The following PLCB4 variants were observed in gnomAD, a reference collection of about 807,000 sequenced individuals.
The protein encoded by PLCB4 is phospholipase C beta 4.
Under a neutral mutation model 178.8 loss-of-function variants are expected in PLCB4, and 77 were observed. The observed-to-expected ratio is 0.43, with a 90% confidence interval of 0.36 to 0.52. The LOEUF is 0.52. PLCB4 is among the 20% of genes least tolerant of loss of function. PLCB4 has a pLI of 0.00. For synonymous variants in PLCB4, 496 were observed against 490.8 expected (o/e 1.01, Z -0.14); for missense variants, 1,024 against 1,453.4 (o/e 0.70, Z 4.80).
At chr20:9,104,249 T>C (rs1244509375) in intron 2 of PLCB4, among the ~76,000 whole-genome samples, 5 of 152,160 alleles carry the variant, frequency 3.3e-5, no homozygotes, top group Non-Finnish European at 1.5e-5. Flanking sequence ...AATGGACTGC[T>C]TGGTCTTCCT....
intron 4 of PLCB4, among the ~76,000 whole-genome samples, chr20:9,325,185 C>T (rs972530961): frequency 6.6e-6 from 1 of 152,136 alleles, no homozygotes; most frequent in Non-Finnish European, 1.5e-5. Context: ...AAGCACGTCT[C>T]CTGTTTTTCT....
Position 9,226,539 on chromosome 20 carries a change from A to G in PLCB4, c.-16+9087A>G, listed in dbSNP as rs141242681. ...GTTGTCCCATCTGTAAAATGAGCACAGTATTACCTTTTTCATTGGTTTTGG... is the reference window on the plus strand; with the variant it reads ...GTTGTCCCATCTGTAAAATGAGCACGGTATTACCTTTTTCATTGGTTTTGG... On this transcript the variant is annotated intron_variant, in intron 3 of 39. Transcript: ENST00000378473. 2.7e-4 allele frequency among the ~76,000 whole-genome samples: 41 copies of G among 152,330 alleles called. 1 individual carries two copies. In the East Asian group the frequency reaches 7.3e-3, roughly 27 times the overall value.
In PLCB4 at chr20:9,384,279, T is replaced by A. The variant is rs955567839; in HGVS notation, c.932T>A (p.Leu311His). 1.2e-6 allele frequency: 2 copies of A among 1,614,102 alleles called. No individual in the cohort carries two copies. Among genetic ancestry groups the A allele is most frequent in the Admixed American group, 3.3e-5 (2 of 60,020 alleles). The change falls in exon 14 of 40, where the codon CTT (leucine) becomes CAT (histidine). Residue 311 changes from leucine to histidine, a missense_variant. Around this residue, in one of 7 missense-constraint regions of PLCB4, gnomAD observed 263 missense variants for 417.4 expected, o/e 0.63. Coordinates refer to ENST00000378473, the MANE Select transcript of PLCB4 (RefSeq NM_001377142.1). ...NAPVFLDRLE[L>H]YQEMDHPLAH... Reference sequence around the variant, plus strand: ...CCAGTCTTCCTAGATCGTTTAGAACTTTACCAAGAAATGGACCATCCTCTG... The same window carrying A: ...CCAGTCTTCCTAGATCGTTTAGAACATTACCAAGAAATGGACCATCCTCTG...
At chr20:9,296,917 G>A (rs1473909649) in intron 3 of PLCB4, among the ~76,000 whole-genome samples, 1 of 152,128 alleles carries the variant, frequency 6.6e-6, no homozygotes, top group Non-Finnish European at 1.5e-5. Context: ...TAAATGACAA[G>A]TTGATGGGTG....
chr20:9,179,793 A>G (rs958701069), intron 2 of PLCB4, among the ~76,000 whole-genome samples: 3 of 152,206 alleles, frequency 2.0e-5, no homozygotes, highest in African/African-American at 7.2e-5. Flanking sequence ...TCATTTCTCT[A>G]CACCTCACTG....
At chr20:9,119,529 A>C (rs1479453410) in intron 2 of PLCB4, among the ~76,000 whole-genome samples, 2 of 151,826 alleles carry the variant, frequency 1.3e-5, no homozygotes, top group African/African-American at 4.8e-5. Context: ...AAAAAAAAAA[A>C]AAACAAAGTA....
chr20:9,405,931 C>T (rs2039402438), intron 21 of PLCB4, among the ~76,000 whole-genome samples: 1 of 152,172 alleles, frequency 6.6e-6, no homozygotes, highest in Non-Finnish European at 1.5e-5. Context: ...GAAAATACTG[C>T]CTTGCTGCCT....
chr20:9,349,453 T>C (rs1300285825), intron 7 of PLCB4, among the ~76,000 whole-genome samples: 1 of 152,242 alleles, frequency 6.6e-6, no homozygotes, highest in East Asian at 1.9e-4. Flanking sequence ...TAGGTTTCAA[T>C]GTAACCGCAA....
chr20:9,464,498 T>C (rs1305861754), intron 35 of PLCB4, among the ~76,000 whole-genome samples: 2 of 152,076 alleles, frequency 1.3e-5, no homozygotes, highest in African/African-American at 4.8e-5. Flanking sequence ...GGGAGCTGGT[T>C]TTTTGAAAAG....
chr20:9,214,023 T>C (rs145914993), intron 2 of PLCB4, among the ~76,000 whole-genome samples: 49 of 152,360 alleles, frequency 3.2e-4, no homozygotes, highest in African/African-American at 1.0e-3. Context: ...TCTTACATCC[T>C]GGATAAAAGT....
intron 4 of PLCB4, among the ~76,000 whole-genome samples, chr20:9,329,710 C>T (rs1490154832): frequency 6.6e-6 from 1 of 152,150 alleles, no homozygotes; most frequent in Non-Finnish European, 1.5e-5. Flanking sequence ...CAGATTTTTT[C>T]ACAAGGTAAT....
chr20:9,266,136 T>C (rs1199471120), intron 3 of PLCB4, among the ~76,000 whole-genome samples: 1 of 152,230 alleles, frequency 6.6e-6, no homozygotes, highest in Non-Finnish European at 1.5e-5. Flanking sequence ...AGAGAAATAC[T>C]GAAATCTACA....
In PLCB4 at chr20:9,084,921, C is replaced by T. The variant is rs541909332; in HGVS notation, c.-134-11366C>T. Among the ~76,000 whole-genome samples the T allele has an allele frequency of 5.1e-4, 78 of 152,018 alleles. 1 individual carries two copies. Among genetic ancestry groups the T allele is most frequent in the African/African-American group, 1.7e-3 (70 of 41,498 alleles). ...CAAAAAAATTAGCCGGGCGTGGTGG[C>T]GTGCGCCTGTTGTCCCAGCTGCTGG... is the stretch of plus-strand genomic sequence containing the variant. On this transcript the variant is annotated intron_variant, in intron 1 of 39. Coordinates refer to ENST00000378473, the MANE Select transcript of PLCB4 (RefSeq NM_001377142.1).
intron 3 of PLCB4, among the ~76,000 whole-genome samples, chr20:9,281,406 T>C (rs1055308107): frequency 6.6e-6 from 1 of 152,006 alleles, no homozygotes; most frequent in African/African-American, 2.4e-5. Context: ...TTTGGAACAA[T>C]ATTTTTCTTA....
intron 7 of PLCB4, among the ~76,000 whole-genome samples, chr20:9,360,563 GTTAAT>G (rs1568651278): frequency 2.0e-5 from 3 of 151,852 alleles, no homozygotes; most frequent in Non-Finnish European, 4.4e-5. Flanking sequence ...ATGCATCCCA[GTTAAT>G]GCCAACCCAA....
chr20:9,292,548 G>A (rs1293496831), intron 3 of PLCB4, among the ~76,000 whole-genome samples: 1 of 152,148 alleles, frequency 6.6e-6, no homozygotes, highest in Non-Finnish European at 1.5e-5. Flanking sequence ...ATCAGAGAGG[G>A]TCTAAGGAGA....
intron 2 of PLCB4, among the ~76,000 whole-genome samples, chr20:9,189,633 C>G (rs2093374002): frequency 6.6e-6 from 1 of 152,220 alleles, no homozygotes; most frequent in African/African-American, 2.4e-5. Flanking sequence ...ATACCACAGA[C>G]TGGGCGATTT....
intron 1 of PLCB4, among the ~76,000 whole-genome samples, chr20:9,076,327 T>G (rs2089863999): frequency 6.6e-6 from 1 of 151,808 alleles, no homozygotes; most frequent in South Asian, 2.1e-4. Context: ...ATTAGCCGGG[T>G]GTGGTGGCAG....
intron 2 of PLCB4, among the ~76,000 whole-genome samples, chr20:9,115,730 T>G (rs2091758704): frequency 6.6e-6 from 1 of 151,990 alleles, no homozygotes; most frequent in Non-Finnish European, 1.5e-5. Context: ...TAATATGAAT[T>G]TATTCATTTA....
Sources: gnomAD v4.1 joint callset for allele counts (sites outside exome capture counted in the v4.1 genomes callset) on GRCh38, gnomAD v4.1.1 for gene constraint, gnomAD v4.1.1 regional missense constraint, MANE v1.5 for transcripts, NCBI Gene and HGNC (gene_info 2026-07-23, HGNC 2026-07-21) for gene names.